GPRC6A: variants seen among roughly 807,000 people sequenced by gnomAD.
GPRC6A encodes G protein-coupled receptor family C group 6 member A.
GPRC6A carries 54 observed loss-of-function variants against 47.0 expected under a neutral mutation model. The observed-to-expected ratio is 1.15, with a 90% confidence interval of 0.92 to 1.44. The LOEUF (loss-of-function observed/expected upper bound fraction) is 1.44. Among genes scored for constraint, GPRC6A ranks in the 40% most tolerant of loss-of-function variants. GPRC6A has a pLI of 0.00. For missense variants in GPRC6A, 1,112 were observed against 1,105.5 expected (o/e 1.01, Z -0.08); for synonymous variants, 347 against 377.1 (o/e 0.92, Z 0.93).
chr6:116,793,542 A>C (rs1772386284), intron 5 of GPRC6A, among the ~76,000 whole-genome samples: 3 of 152,206 alleles, frequency 2.0e-5, no homozygotes. Context: ...CTAGCTTCTT[A>C]TGCATTTGCT....
chr6:116,822,780 C>T (rs1773540277), intron 1 of GPRC6A, among the ~76,000 whole-genome samples: 1 of 149,684 alleles, frequency 6.7e-6, no homozygotes, highest in South Asian at 2.1e-4. Flanking sequence ...TTAGTGGGTG[C>T]AGCGCACCAG....
In GPRC6A at chr6:116,795,563, A is replaced by C. The variant is rs1337551780; in HGVS notation, c.1672+149T>G. The stretch of plus-strand genomic sequence containing the variant: ...CATAATAGAGCAAATTCCAAGATAA[A>C]ATGAAATTTCACTGGAATTTAATTT... On this transcript the variant is annotated intron_variant, in intron 5 of 5. Coordinates refer to ENST00000310357, the MANE Select transcript of GPRC6A (RefSeq NM_148963.4). 5.2e-6 allele frequency: 3 copies of C among 572,254 alleles called. No individual in the cohort carries two copies. The African/African-American group carries it at 5.7e-5, about 11-fold the overall frequency. The allele number at this position is 572,254 out of a possible 1,614,324, so 35.4% of individuals were successfully genotyped here.
At chr6:116,811,102 T>G (rs1360579020) in intron 1 of GPRC6A, among the ~76,000 whole-genome samples, 1 of 152,160 alleles carries the variant, frequency 6.6e-6, no homozygotes, top group East Asian at 1.9e-4. Context: ...GAGACTGGCT[T>G]ACTTGGCATC....
At chr6:116,818,489 C>A (rs200359585) in intron 1 of GPRC6A, among the ~76,000 whole-genome samples, 4 of 109,148 alleles carry the variant, frequency 3.7e-5, no homozygotes, top group Admixed American at 1.2e-4. Context: ...AGCCGAGATC[C>A]CGCCACTGCA....
intron 1 of GPRC6A, among the ~76,000 whole-genome samples, chr6:116,822,014 G>A (rs1369696833): frequency 0.01 from 1,469 of 141,408 alleles, 27 homozygotes; most frequent in Admixed American, 0.038. Context: ...AAATTTACAA[G>A]AAAAAAACGA....
chr6:116,798,991 T>G (rs944964388), intron 4 of GPRC6A, among the ~76,000 whole-genome samples: 1 of 152,116 alleles, frequency 6.6e-6, no homozygotes, highest in Non-Finnish European at 1.5e-5. Context: ...GAGTAGGTAG[T>G]AAAAAGTGGT....
intron 1 of GPRC6A, among the ~76,000 whole-genome samples, chr6:116,814,942 A>C (rs1430120399): frequency 6.6e-6 from 1 of 152,214 alleles, no homozygotes; most frequent in Non-Finnish European, 1.5e-5. Flanking sequence ...TTTATACCAG[A>C]TAAAACACAC....
intron 1 of GPRC6A, among the ~76,000 whole-genome samples, chr6:116,818,380 A>G (rs1182336897): frequency 1.3e-5 from 2 of 148,800 alleles, no homozygotes; most frequent in East Asian, 3.9e-4. Context: ...TAAAAATACA[A>G]AAAATTAGCC....
At chr6:116,817,906 T>C (rs1232112086) in intron 1 of GPRC6A, among the ~76,000 whole-genome samples, 2 of 151,836 alleles carry the variant, frequency 1.3e-5, no homozygotes, top group African/African-American at 2.4e-5. Context: ...TACGTCTGAT[T>C]GGTGTACCTG....
At position 116,800,641 on chromosome 6, in the gene GPRC6A, C is replaced by T. The variant is rs767075571; in HGVS notation, c.1491G>A (p.Gln497=). The T allele has an allele frequency of 6.2e-7, 1 of 1,613,586 alleles. No individual in the cohort carries two copies. The highest frequency in any genetic ancestry group is 8.5e-7 in the Non-Finnish European group (1 of 1,179,662). Residue 497 remains glutamine (Q), a synonymous_variant, in exon 4 of 6, where the codon CAG becomes CAA. Coordinates refer to ENST00000310357, the MANE Select transcript of GPRC6A (RefSeq NM_148963.4). ...GATCTGGGATGATGAAGACATCATT[C>T]TGTAGGTCATATTCTGCCATCTTAG... is the stretch of plus-strand genomic sequence containing the variant. ...TVTKMAEYDL[Q]NDVFIIPDQE... is the part of the protein sequence containing the mutation.
chr6:116,821,489 A>C (rs1307687894), intron 1 of GPRC6A, among the ~76,000 whole-genome samples: 2 of 152,142 alleles, frequency 1.3e-5, no homozygotes, highest in East Asian at 1.9e-4. Context: ...CCAAAACAGC[A>C]TGGTACCGGT....
chr6:116,808,396 A>C (rs185235981), intron 2 of GPRC6A, among the ~76,000 whole-genome samples: 1 of 152,284 alleles, frequency 6.6e-6, no homozygotes, highest in East Asian at 1.9e-4. Flanking sequence ...AACTAGTATC[A>C]TACATAGTCT....
intron 1 of GPRC6A, among the ~76,000 whole-genome samples, chr6:116,823,017 C>T (rs1047714813): frequency 2.6e-5 from 4 of 151,726 alleles, no homozygotes; most frequent in Non-Finnish European, 2.9e-5. Flanking sequence ...ATTGTCTTGG[C>T]TATTAACATT....
intron 1 of GPRC6A, among the ~76,000 whole-genome samples, chr6:116,823,217 A>T (rs781764015): frequency 1.3e-5 from 2 of 152,124 alleles, no homozygotes; most frequent in African/African-American, 4.8e-5. Context: ...TTGCTCACAC[A>T]TATGAGCTAG....
Position 116,814,688 on chromosome 6 carries a change from C to G in GPRC6A, c.195-5071G>C, listed in dbSNP as rs148146359. Among the ~76,000 whole-genome samples the G allele has an allele frequency of 5.3e-3, 805 of 151,992 alleles. 3 individuals are homozygous for G. The highest frequency in any genetic ancestry group is 8.7e-3 in the Non-Finnish European group (591 of 67,976). On this transcript the variant is annotated intron_variant, in intron 1 of 5. Transcript: ENST00000310357. ...TCGTGGGTGCAGCAAACCAACATGG[C>G]TCATGTATACCTAAGTATCAAACCT...
chr6:116,800,537 G>A (rs767412589), intron 4 of GPRC6A, 47 bp downstream of exon 4: 5 of 1,182,530 alleles, frequency 4.2e-6, no homozygotes, highest in Non-Finnish European at 6.4e-6. Context: ...TTGCAGTTGA[G>A]GTACCAATTG....
At position 116,793,127 on chromosome 6, in the gene GPRC6A, A is replaced by G. The variant is rs35937022; in HGVS notation, c.1796T>C (p.Ile599Thr). The change falls in exon 6 of 6, where the codon ATT (isoleucine) becomes ACT (threonine). Residue 599 changes from isoleucine to threonine, a missense_variant. By Grantham distance (89) the Ile-to-Thr change is moderately conservative. Transcript: ENST00000310357. ...AAATATGATTCCCAGTAGGGAGAGA[A>G]TCAGGAGTAGGATGGCCAAGGAGTC... Reference protein sequence around the residue: ...WNDSLAILLLILSLLGIIFVL... With the variant: ...WNDSLAILLLTLSLLGIIFVL... 451,513 of 1,612,754 alleles carry G rather than the reference A, an allele frequency of 0.28. 68,748 individuals are homozygous for G. The highest frequency in any genetic ancestry group is 0.32 in the Non-Finnish European group (373,033 of 1,178,826).
At chr6:116,806,081 G>A (rs192411760) in intron 3 of GPRC6A, among the ~76,000 whole-genome samples, 2 of 152,112 alleles carry the variant, frequency 1.3e-5, no homozygotes, top group East Asian at 1.9e-4. Context: ...ATTTAAAAGC[G>A]ATAATTTATA....
chr6:116,822,980 T>A (rs1410288104), intron 1 of GPRC6A, among the ~76,000 whole-genome samples: 1 of 151,528 alleles, frequency 6.6e-6, no homozygotes, highest in Non-Finnish European at 1.5e-5. Flanking sequence ...GCCATGGAGG[T>A]CTCTGAAATT....
Sources: allele counts gnomAD v4.1 joint callset (sites outside exome capture counted in the v4.1 genomes callset), GRCh38; gene constraint gnomAD v4.1.1; transcripts MANE v1.5; gene names NCBI Gene and HGNC (gene_info 2026-07-23, HGNC 2026-07-21).